The following JAK1 variants were observed in gnomAD, a reference collection of about 807,000 sequenced individuals.
JAK1 encodes the protein tyrosine-protein kinase JAK1.
JAK1 carries 16 observed loss-of-function variants against 136.6 expected under a neutral mutation model. That is an observed-to-expected ratio of 0.12 (90% CI 0.08 to 0.18). JAK1 has a LOEUF of 0.18. JAK1 is among the 10% of genes least tolerant of loss of function. JAK1 has a pLI of 1.00. For missense variants in JAK1, 859 were observed against 1,450.1 expected (o/e 0.59, Z 6.62); for synonymous variants, 492 against 519.5 (o/e 0.95, Z 0.72).
At chr1:65,051,683 AAGAT>A (rs1647288285) in intron 1 of JAK1, among the ~76,000 whole-genome samples, 1 of 152,366 alleles carries the variant, frequency 6.6e-6, no homozygotes, top group South Asian at 2.1e-4. Context: ...TTCATTTACA[AAGAT>A]AGTAGCAAAA....
At chr1:65,043,392 T>G (rs1172972425) in intron 2 of JAK1, among the ~76,000 whole-genome samples, 1 of 152,130 alleles carries the variant, frequency 6.6e-6, no homozygotes, top group Non-Finnish European at 1.5e-5. Context: ...ATAGAAAAAC[T>G]TTTTTAAATG....
intron 1 of JAK1, among the ~76,000 whole-genome samples, chr1:64,928,389 T>G (rs539823575): frequency 7.4e-4 from 113 of 152,312 alleles, no homozygotes; most frequent in African/African-American, 2.7e-3. Context: ...AGGCTCAGGC[T>G]GGGGACCCCA....
At chr1:64,945,403 T>G (rs1234592637) in intron 1 of JAK1, among the ~76,000 whole-genome samples, 1 of 152,140 alleles carries the variant, frequency 6.6e-6, no homozygotes, top group African/African-American at 2.4e-5. Context: ...TAGCACTATT[T>G]ATAACAGCAA....
intron 1 of JAK1, among the ~76,000 whole-genome samples, chr1:64,923,924 C>T (rs1645538938): frequency 6.6e-6 from 1 of 151,968 alleles, no homozygotes; most frequent in Non-Finnish European, 1.5e-5. Flanking sequence ...AAACTATATA[C>T]AATTTCAACA....
At chr1:65,062,773 C>T (rs1020654915) in intron 1 of JAK1, among the ~76,000 whole-genome samples, 7 of 152,224 alleles carry the variant, frequency 4.6e-5, no homozygotes, top group Non-Finnish European at 7.3e-5. Context: ...CTGTTTTACT[C>T]ATGTCCCTTC....
intron 1 of JAK1, among the ~76,000 whole-genome samples, chr1:65,056,923 TAAAAAAAAAAA>T (rs57037539): frequency 8.4e-6 from 1 of 118,748 alleles, no homozygotes; most frequent in Admixed American, 9.2e-5. Context: ...ACTCTTTCTT[TAAAAAAAAAAA>T]AAAAAAAAAA....
chr1:65,063,734 G>C (rs1647916239), intron 1 of JAK1, among the ~76,000 whole-genome samples: 1 of 150,456 alleles, frequency 6.6e-6, no homozygotes, highest in Non-Finnish European at 1.5e-5. Flanking sequence ...GAACCTGGGA[G>C]GTGGAGGTTG....
chr1:64,859,997 C>G, intron 9 of JAK1, 108 bp downstream of exon 9: 1 of 930,860 alleles, frequency 1.1e-6, no homozygotes, highest in African/African-American at 1.7e-5. Context: ...CCAACAAGTA[C>G]CAGGCAGCAT....
chr1:65,038,972 G>A (rs529768226), intron 2 of JAK1, among the ~76,000 whole-genome samples: 1 of 151,558 alleles, frequency 6.6e-6, no homozygotes, highest in East Asian at 1.9e-4. Flanking sequence ...GTTTGTGTGT[G>A]TTTGTGTAGA....
intron 1 of JAK1, among the ~76,000 whole-genome samples, chr1:64,945,876 T>A (rs1645976506): frequency 6.6e-6 from 1 of 151,988 alleles, no homozygotes; most frequent in African/African-American, 2.4e-5. Flanking sequence ...TACTCCTGAG[T>A]ACAGGCGCCT....
chr1:65,003,188 T>G (rs149669571), intron 2 of JAK1, among the ~76,000 whole-genome samples: 3 of 151,962 alleles, frequency 2.0e-5, no homozygotes, highest in African/African-American at 7.2e-5. Flanking sequence ...TAGAAAAGCG[T>G]GGGTGGGTGT....
At chr1:65,038,198 CTTTTTTT>C (rs113538392) in intron 2 of JAK1, among the ~76,000 whole-genome samples, 2 of 133,294 alleles carry the variant, frequency 1.5e-5, no homozygotes, top group Non-Finnish European at 3.2e-5. Flanking sequence ...TTTTTCTTTT[CTTTTTTT>C]TTTTTTTTTT....
intron 2 of JAK1, chr1:64,985,825 G>A (rs920387574): frequency 5.0e-5 from 31 of 617,502 alleles, no homozygotes; most frequent in South Asian, 1.1e-4. Context: ...ATTGAATTAC[G>A]CCTGTCAAAG....
intron 1 of JAK1, among the ~76,000 whole-genome samples, chr1:64,915,765 A>G (rs1645384347): frequency 1.3e-5 from 2 of 152,318 alleles, no homozygotes; most frequent in East Asian, 3.9e-4. Context: ...ACACATATCT[A>G]GAGGTTTAGT....
chr1:65,036,441 A>G (rs1647075703), intron 2 of JAK1, among the ~76,000 whole-genome samples: 2 of 152,184 alleles, frequency 1.3e-5, no homozygotes, highest in Non-Finnish European at 2.9e-5. Flanking sequence ...CGTGCAGGCC[A>G]AAGTTATAAG....
At chr1:64,883,204 G>C in intron 3 of JAK1, 73 bp downstream of exon 3, 1 of 1,283,172 alleles carries the variant, frequency 7.8e-7, no homozygotes, top group Non-Finnish European at 1.1e-6. Context: ...CGCTACAAGG[G>C]GCAGAGACCC....
chr1:64,940,124 T>C (rs1362514123), intron 1 of JAK1, among the ~76,000 whole-genome samples: 1 of 152,080 alleles, frequency 6.6e-6, no homozygotes, highest in African/African-American at 2.4e-5. Flanking sequence ...ACTGATAGCT[T>C]CAAGGAGAGA....
chr1:64,850,941 A>C, intron 11 of JAK1, 31 bp from the exon 12 acceptor site: 2 of 1,460,746 alleles, frequency 1.4e-6, no homozygotes, highest in Non-Finnish European at 1.9e-6. Flanking sequence ...GTCTGAGCAC[A>C]GCACCCAAGA....
chr1:64,869,306 T>A lies in JAK1; in HGVS notation c.647+5A>T, dbSNP rs1656923480. On this transcript the variant is annotated splice_donor_5th_base_variant and intron_variant, in intron 6 of 24. Coordinates refer to ENST00000342505, the MANE Select transcript of JAK1 (RefSeq NM_002227.4). Reference sequence around the variant, plus strand: ...ATCAATTCTTCAGCCAGTGGGAAGCTTTACCTGATGTCCTTGGGCAGTTCT... The same window carrying A: ...ATCAATTCTTCAGCCAGTGGGAAGCATTACCTGATGTCCTTGGGCAGTTCT... 4 of 1,613,276 alleles carry A rather than the reference T, an allele frequency of 2.5e-6. No homozygotes were observed. The highest frequency in any genetic ancestry group is 2.5e-6 in the Non-Finnish European group (3 of 1,179,508).
Sources: allele counts gnomAD v4.1 joint callset (sites outside exome capture counted in the v4.1 genomes callset), GRCh38; gene constraint gnomAD v4.1.1; transcripts MANE v1.5; gene names NCBI Gene and HGNC (gene_info 2026-07-23, HGNC 2026-07-21).